Variants in THADA observed in about 807,000 individuals in gnomAD.
THADA encodes the protein tRNA (32-2'-O)-methyltransferase regulator THADA.
In THADA, 213 loss-of-function variants were observed where a neutral mutation model predicts 219.8. The ratio of observed to expected loss-of-function variants is 0.97; its 90% CI spans 0.87 to 1.09. The LOEUF is 1.09. Among genes scored for constraint, THADA ranks in the 50% least tolerant of loss-of-function variants. The pLI is 0.00. For synonymous variants in THADA, 1,018 were observed against 828.9 expected (o/e 1.23, Z -3.92); for missense variants, 2,956 against 2,311.3 (o/e 1.28, Z -5.72).
intron 29 of THADA, among the ~76,000 whole-genome samples, chr2:43,384,996 C>T (rs1672468352): frequency 6.6e-6 from 1 of 151,854 alleles, no homozygotes; most frequent in Non-Finnish European, 1.5e-5. Context: ...CAAAAATTAG[C>T]CAGGTGTGGT....
intron 3 of THADA, 125 bp downstream of exon 3, chr2:43,591,827 A>C: frequency 5.4e-6 from 3 of 553,554 alleles, no homozygotes; most frequent in Non-Finnish European, 9.0e-6. Flanking sequence ...AAAAAAAAAT[A>C]CTTATTTGCT....
At chr2:43,485,862 C>T (rs984449248) in intron 25 of THADA, among the ~76,000 whole-genome samples, 1 of 148,836 alleles carries the variant, frequency 6.7e-6, no homozygotes, top group Non-Finnish European at 1.5e-5. Context: ...AGACCCCCAT[C>T]TCAAAAAAAA....
intron 26 of THADA, among the ~76,000 whole-genome samples, chr2:43,484,076 A>T (rs531039338): frequency 2.0e-5 from 3 of 152,176 alleles, no homozygotes; most frequent in East Asian, 1.9e-4. Flanking sequence ...TGTTTTATTT[A>T]TTTAAAAAAT....
chr2:43,293,080 A>T lies in THADA; in HGVS notation c.4572T>A (p.Ile1524=), dbSNP rs372401509. 1.3e-5 allele frequency: 21 copies of T among 1,613,848 alleles called. No homozygotes were observed. Among genetic ancestry groups the T allele is most frequent in the Non-Finnish European group, 1.7e-5 (20 of 1,179,892 alleles). ...TGGCTGCCGCGGCCCACACTGCAGCAATGGCTAGTCTGGTGAGGCTCTGGA... is the reference window on the plus strand; with the variant it reads ...TGGCTGCCGCGGCCCACACTGCAGCTATGGCTAGTCTGGTGAGGCTCTGGA... ...QYLQSLTRLA[I]AAVWAAAAKS... Residue 1524 remains isoleucine, a synonymous_variant, in exon 32 of 38, where the codon ATT becomes ATA. Coordinates refer to ENST00000405975, the MANE Select transcript of THADA (RefSeq NM_022065.5).
At chr2:43,231,758 C>T (rs1278753194) in intron 37 of THADA, among the ~76,000 whole-genome samples, 1 of 152,180 alleles carries the variant, frequency 6.6e-6, no homozygotes, top group Non-Finnish European at 1.5e-5. Flanking sequence ...TCTCCAAACA[C>T]AGGACACTAG....
chr2:43,385,224 T>C (rs1268357040), intron 29 of THADA, among the ~76,000 whole-genome samples: 1 of 152,088 alleles, frequency 6.6e-6, no homozygotes, highest in African/African-American at 2.4e-5. Context: ...GTCTCACATA[T>C]TTGAAAAAAT....
chr2:43,265,196 G>A (rs756087117), intron 36 of THADA, among the ~76,000 whole-genome samples: 1 of 152,222 alleles, frequency 6.6e-6, no homozygotes, highest in Non-Finnish European at 1.5e-5. Flanking sequence ...AAGGCCAGCG[G>A]TGGGGGCGGG....
intron 4 of THADA, among the ~76,000 whole-genome samples, chr2:43,590,252 G>C (rs898955241): frequency 1.3e-5 from 2 of 152,090 alleles, no homozygotes; most frequent in African/African-American, 4.8e-5. Context: ...AGGACAAAAA[G>C]AGGAAAAAAC....
chr2:43,397,983 C>A lies in THADA; in HGVS notation c.4215G>T (p.Gly1405=). The change falls in exon 29 of 38, where the codon GGG becomes GGT. Residue 1405 remains glycine, a synonymous_variant. Coordinates refer to ENST00000405975, the MANE Select transcript of THADA (RefSeq NM_022065.5). ...CAACTTTACTTACCTGGAGAAGTGT[C>A]CCATGAATGTGGTTTTGCCGGAAAC... ...DQCFRQNHIH[G]TLLQVFHLLQ... is the part of the protein sequence containing the mutation. The A allele has an allele frequency of 1.2e-6, 2 of 1,613,840 alleles. No homozygotes were observed. Among genetic ancestry groups the A allele is most frequent in the Non-Finnish European group, 1.7e-6 (2 of 1,179,772 alleles).
intron 9 of THADA, among the ~76,000 whole-genome samples, chr2:43,578,254 T>C (rs1313308832): frequency 4.0e-5 from 6 of 151,818 alleles, no homozygotes; most frequent in Non-Finnish European, 5.9e-5. Flanking sequence ...GCGATCCTCC[T>C]ACCTCAACCT....
intron 31 of THADA, among the ~76,000 whole-genome samples, chr2:43,298,803 T>C (rs867099054): frequency 2.6e-5 from 4 of 151,990 alleles, no homozygotes; most frequent in African/African-American, 9.7e-5. Flanking sequence ...AAGGAGGAGA[T>C]GGGGAGCAAG....
chr2:43,585,226 C>G (rs1344920416), intron 7 of THADA, among the ~76,000 whole-genome samples: 1 of 151,712 alleles, frequency 6.6e-6, no homozygotes, highest in East Asian at 1.9e-4. Flanking sequence ...ACATGACTAC[C>G]CTGGCTGGGC....
chr2:43,300,784 C>T (rs1376248707), intron 31 of THADA, among the ~76,000 whole-genome samples: 1 of 152,196 alleles, frequency 6.6e-6, no homozygotes, highest in East Asian at 1.9e-4. Context: ...TTTCTCCAAA[C>T]TGCTGCTTGG....
intron 30 of THADA, chr2:43,333,309 T>C (rs561237077): frequency 6.6e-6 from 1 of 152,262 alleles, no homozygotes; most frequent in East Asian, 1.9e-4. Context: ...GTTTAAAATA[T>C]ACCAACTTCA....
At chr2:43,323,981 G>C (rs1387790555) in intron 30 of THADA, among the ~76,000 whole-genome samples, 2 of 152,200 alleles carry the variant, frequency 1.3e-5, no homozygotes, top group African/African-American at 2.4e-5. Context: ...AGGCTTTTAA[G>C]TGATGGGATA....
At chr2:43,588,418 C>T (rs1701220297) in intron 4 of THADA, among the ~76,000 whole-genome samples, 1 of 151,808 alleles carries the variant, frequency 6.6e-6, no homozygotes, top group Admixed American at 6.6e-5. Flanking sequence ...GAATTGATAA[C>T]CAAAATAATA....
chr2:43,284,182 A>G (rs1442560538), intron 35 of THADA, among the ~76,000 whole-genome samples: 3 of 152,224 alleles, frequency 2.0e-5, no homozygotes, highest in East Asian at 3.8e-4. Flanking sequence ...TCCATCTCAA[A>G]AAAAAAGAGA....
chr2:43,292,373 G>T (rs1299697185), intron 32 of THADA, among the ~76,000 whole-genome samples, 151 bp from the exon 33 acceptor site: 1 of 152,224 alleles, frequency 6.6e-6, no homozygotes, highest in Non-Finnish European at 1.5e-5. Context: ...ACCTTTGGGA[G>T]ACTGAGGCAG....
At chr2:43,329,463 C>T (rs1002158372) in intron 30 of THADA, among the ~76,000 whole-genome samples, 4 of 152,160 alleles carry the variant, frequency 2.6e-5, no homozygotes, top group African/African-American at 9.7e-5. Flanking sequence ...TGGCAAGGCA[C>T]ACACTTGGAA....
Sources: gnomAD v4.1 joint callset for allele counts (sites outside exome capture counted in the v4.1 genomes callset) on GRCh38, gnomAD v4.1.1 for gene constraint, MANE v1.5 for transcripts, NCBI Gene and HGNC (gene_info 2026-07-23, HGNC 2026-07-21) for gene names.